The following PKD1 variants were observed in gnomAD, a reference collection of about 807,000 sequenced individuals.
The protein encoded by PKD1 is polycystin-1.
A neutral mutation model predicts 361.7 loss-of-function variants in PKD1; 81 were observed. The observed-to-expected ratio is 0.22, with a 90% CI of 0.19 to 0.27. PKD1 has a LOEUF of 0.27. Among genes scored for constraint, PKD1 ranks in the 10% least tolerant of loss-of-function variants. The pLI is 1.00. For synonymous variants in PKD1, 3,615 were observed against 2,818.3 expected, an observed-to-expected ratio of 1.28 and a Z score of -8.95; for missense variants, 6,399 against 6,118.3, an observed-to-expected ratio of 1.05 and a Z score of -1.53.
intron 26 of PKD1, among the ~76,000 whole-genome samples, chr16:2,101,220 C>T (rs765994543): frequency 1.3e-5 from 2 of 152,178 alleles, no homozygotes; most frequent in Non-Finnish European, 2.9e-5. Flanking sequence ...CTCCTGACCC[C>T]GTGATTTGCC....
In PKD1 at chr16:2,109,515, C is replaced by T; in HGVS notation, c.5652G>A (p.Glu1884=). ...WVSATYNLTA[E]EPIVGLVLWA... ...ACAGCACCAGGCCCACGATGGGCTCCTCCGCCGTGAGGTTGTACGTGGCTG... is the reference window on the plus strand; with the variant it reads ...ACAGCACCAGGCCCACGATGGGCTCTTCCGCCGTGAGGTTGTACGTGGCTG... The change falls in exon 15 of 46, where the codon GAG becomes GAA. Residue 1884 remains glutamate (E), a synonymous_variant. Transcript: ENST00000262304. The T allele has an allele frequency of 6.2e-7, 1 of 1,610,338 alleles. No homozygotes were observed. Among genetic ancestry groups the T allele is most frequent in the South Asian group, 1.1e-5 (1 of 90,780 alleles).
At position 2,108,225 on chromosome 16, in the gene PKD1, T is replaced by G. The variant is rs560681737; in HGVS notation, c.6915+27A>C. 7.8e-5 allele frequency: 124 copies of G among 1,582,030 alleles called. No homozygotes were observed. In the Middle Eastern group the frequency reaches 9.2e-4, roughly 12 times the overall value. On this transcript the variant is annotated intron_variant, in intron 15 of 45. Transcript: ENST00000262304. ...CATGGGTGTGGACGGGTGAGGGGCA[T>G]GGAGGACGGCCCTGCCACGCACTGA...
chr16:2,097,890 G>C lies in PKD1; in HGVS notation c.10145C>G (p.Thr3382Arg), dbSNP rs776463508. 66 of 1,603,984 alleles carry C rather than the reference G, an allele frequency of 4.1e-5. No homozygotes were observed. In the South Asian group the frequency reaches 6.1e-4, roughly 15 times the overall value. Residue 3382 changes from threonine (T) to arginine (R), a missense_variant, in exon 31 of 46, where the codon ACG becomes AGG. Coordinates refer to ENST00000262304, the MANE Select transcript of PKD1 (RefSeq NM_001009944.3). ...DSSVLDSSFL[T>R]FSGLHAEQAF... ...CACCTCAGCGTGGAGGCCTGAGAACGTGAGGAAGGAGCTGTCCAGCACGGA... is the reference window on the plus strand; with the variant it reads ...CACCTCAGCGTGGAGGCCTGAGAACCTGAGGAAGGAGCTGTCCAGCACGGA...
intron 1 of PKD1, chr16:2,123,514 C>T (rs1408402476): frequency 2.2e-5 from 10 of 456,344 alleles, no homozygotes; most frequent in South Asian, 3.1e-5. Context: ...TTGCCATCGC[C>T]GTTCTGGGGG....
chr16:2,109,713 C>G lies in PKD1; in HGVS notation c.5454G>C (p.Ala1818=). The G allele has an allele frequency of 6.2e-7, 1 of 1,602,120 alleles. No homozygotes were observed. The highest frequency in any genetic ancestry group is 8.5e-7 in the Non-Finnish European group (1 of 1,175,918). Residue 1818 remains alanine (A), a synonymous_variant, in exon 15 of 46, where the codon GCG becomes GCC. Coordinates refer to ENST00000262304, the MANE Select transcript of PKD1 (RefSeq NM_001009944.3). ...CCCAAAAGGGCACAGAGGACCCGGC[C>G]GCCACGAAGCTGCCTCCGGGCTCGC... ...RASEPGGSFV[A]AGSSVPFWGQ... is the part of the protein sequence containing the mutation.
In PKD1 at chr16:2,114,250, G is replaced by A. The variant is rs549638171; in HGVS notation, c.2773C>T (p.Arg925Trp). Residue 925 changes from arginine (R) to tryptophan (W), a missense_variant, in exon 11 of 46, where the codon CGG (arginine) becomes TGG (tryptophan). Transcript: ENST00000262304. ...CAGATGGGCTCCTCCGCCGTCACCC[G>A]CAGGCTGAGGTTGGCCCGGCTGGCG... ...NSASRANLSL[R>W]VTAEEPICGL... is the part of the protein sequence containing the mutation. 86 of 1,610,056 alleles carry A rather than the reference G, an allele frequency of 5.3e-5. No homozygotes were observed. In the Admixed American group the frequency reaches 6.8e-4, roughly 13 times the overall value.
At position 2,110,214 on chromosome 16, in the gene PKD1, C is replaced by G. The variant is rs1240364726; in HGVS notation, c.4953G>C (p.Gln1651His). The G allele has an allele frequency of 6.2e-7, 1 of 1,611,814 alleles. No homozygotes were observed. Among genetic ancestry groups the G allele is most frequent in the African/African-American group, 1.3e-5 (1 of 74,922 alleles). ...TGCCATCCCTAACCACGGCCTGCAG[C>G]TGTACCGTGTGGTTGGTGGGGAAGT... ...GRYFPTNHTV[Q>H]LQAVVRDGTN... Residue 1651 changes from glutamine to histidine, a missense_variant, in exon 15 of 46, where the codon CAG becomes CAC. Coordinates refer to ENST00000262304, the MANE Select transcript of PKD1 (RefSeq NM_001009944.3).
chr16:2,114,462 T>G lies in PKD1; in HGVS notation c.2561A>C (p.Asn854Thr). ...AGGCCAGCGAGCCGTGGCCGTGGCG[T>G]TGGCACCAGAGTCCACCTGGAGCAC... ...ALVLQVDSGA[N>T]ATATARWPGG... The change falls in exon 11 of 46, where the codon AAC becomes ACC. Residue 854 changes from asparagine (N) to threonine (T), a missense_variant. By Grantham distance (65) the Asn-to-Thr change is moderately conservative. Coordinates refer to ENST00000262304, the MANE Select transcript of PKD1 (RefSeq NM_001009944.3). 1 of 1,597,620 alleles carries G rather than the reference T, an allele frequency of 6.3e-7. No individual in the cohort carries two copies. Among genetic ancestry groups the G allele is most frequent in the East Asian group, 2.2e-5 (1 of 44,854 alleles).
In PKD1 at chr16:2,090,166, A is replaced by G. The variant is rs201035636; in HGVS notation, c.12473T>C (p.Met4158Thr). Reference protein sequence around the residue: ...EFRHKVRFEGMEPLPSRSSRG... With the variant: ...EFRHKVRFEGTEPLPSRSSRG... Reference sequence around the variant, plus strand: ...GGAGGAGCGAGAGGGCAGCGGCTCCATCCCTTCAAAGCGGACTTTGTGGCG... The same window carrying G: ...GGAGGAGCGAGAGGGCAGCGGCTCCGTCCCTTCAAAGCGGACTTTGTGGCG... Residue 4158 changes from methionine (M) to threonine (T), a missense_variant, in exon 46 of 46, where the codon ATG becomes ACG. Physicochemically the swap from Met to Thr is moderately conservative, Grantham distance 81 (BLOSUM62 -1). Coordinates refer to ENST00000262304, the MANE Select transcript of PKD1 (RefSeq NM_001009944.3). The G allele has an allele frequency of 7.4e-5, 119 of 1,599,504 alleles. No individual in the cohort carries two copies. In the Middle Eastern group the frequency reaches 8.3e-4, roughly 11 times the overall value.
chr16:2,114,491 G>A lies in PKD1; in HGVS notation c.2532C>T (p.Ala844=), dbSNP rs560026646. The A allele has an allele frequency of 3.8e-6, 6 of 1,596,450 alleles. No individual in the cohort carries two copies. In the East Asian group the frequency reaches 1.1e-4, roughly 30 times the overall value. Residue 844 remains alanine, a synonymous_variant, in exon 11 of 46, where the codon GCC becomes GCT. Coordinates refer to ENST00000262304, the MANE Select transcript of PKD1 (RefSeq NM_001009944.3). ...GRLYVPTNGS[A]LVLQVDSGAN... is the part of the protein sequence containing the mutation. Reference sequence around the variant, plus strand: ...CACCAGAGTCCACCTGGAGCACCAAGGCTGAGCCGTTGGTGGGCACGTAGA... The same window carrying A: ...CACCAGAGTCCACCTGGAGCACCAAAGCTGAGCCGTTGGTGGGCACGTAGA...
rs1218626538 is a variant in PKD1, at chr16:2,089,203, G to C, written c.*524C>G. On this transcript the variant is annotated 3_prime_UTR_variant, in exon 46 of 46. Transcript: ENST00000262304. Reference sequence around the variant, plus strand: ...GCGCAGCAGGTGTTGGGGGAGGCCAGCTCTGGGCGCAGGCCCCTCAGCCCT... The same window carrying C: ...GCGCAGCAGGTGTTGGGGGAGGCCACCTCTGGGCGCAGGCCCCTCAGCCCT... The C allele has an allele frequency of 5.7e-6, 1 of 175,308 alleles. No homozygotes were observed. 10.9% of individuals were successfully genotyped at this position (175,308 alleles called of 1,614,324 possible).
chr16:2,090,398 G>C lies in PKD1; in HGVS notation c.12331C>G (p.His4111Asp), dbSNP rs1277822612. 1.9e-6 allele frequency: 3 copies of C among 1,612,562 alleles called. No homozygotes were observed. The highest frequency in any genetic ancestry group is 1.3e-5 in the African/African-American group (1 of 74,932). Residue 4111 changes from histidine (H) to aspartate (D), a missense_variant, in exon 45 of 46, where the codon CAC becomes GAC. His to Asp is a moderately conservative substitution (Grantham distance 81). Coordinates refer to ENST00000262304, the MANE Select transcript of PKD1 (RefSeq NM_001009944.3). ...LGAVILRWRYHALRGELYRPA... is the reference protein window; with the variant it reads ...LGAVILRWRYDALRGELYRPA... ...CGGTACAGCTCTCCACGCAAGGCGT[G>C]GTAGCGCCAGCGGAGAATAACAGCC...
At chr16:2,117,089 C>T in intron 6 of PKD1, 36 bp from the exon 7 acceptor site, 4 of 1,032,802 alleles carry the variant, frequency 3.9e-6, no homozygotes, top group Admixed American at 1.9e-5. Context: ...GGGCTCAGGG[C>T]ACTCCTCCAT....
At chr16:2,091,713 GGAGT>G in intron 41 of PKD1, 64 bp downstream of exon 41, 2 of 1,589,980 alleles carry the variant, frequency 1.3e-6, no homozygotes, top group Non-Finnish European at 1.7e-6. Context: ...GGGGGCCGGA[GGAGT>G]GAGGGTGGGC....
chr16:2,130,584 A>T (rs2092861455), intron 1 of PKD1, among the ~76,000 whole-genome samples: 1 of 152,234 alleles, frequency 6.6e-6, no homozygotes, highest in Non-Finnish European at 1.5e-5. Context: ...CCTCGCTCTC[A>T]GGATCCAGGG....
In PKD1 at chr16:2,090,981, C is replaced by G. The variant is rs752098759; in HGVS notation, c.11906G>C (p.Gly3969Ala). The change falls in exon 43 of 46, where the codon GGC becomes GCC. Residue 3969 changes from glycine to alanine, a missense_variant. By Grantham distance (60) the Gly-to-Ala change is moderately conservative. Coordinates refer to ENST00000262304, the MANE Select transcript of PKD1 (RefSeq NM_001009944.3). ...GAAGCTAGTGAAGCGGCGCGGGCGG[C>G]CGCGCACGAAACGGGTCCACTGGCG... ...ADRQWTRFVR[G>A]RPRRFTSFDQ... 3 of 1,537,560 alleles carry G rather than the reference C, an allele frequency of 2.0e-6. No individual in the cohort carries two copies. The highest frequency in any genetic ancestry group is 2.7e-5 in the African/African-American group (2 of 73,156).
At chr16:2,129,184 G>C (rs200641194) in intron 1 of PKD1, among the ~76,000 whole-genome samples, 1 of 129,382 alleles carries the variant, frequency 7.7e-6, no homozygotes, top group Non-Finnish European at 1.6e-5. Flanking sequence ...TTTTTTTAAA[G>C]ACCGTTTCCT....
chr16:2,106,485 T>C lies in PKD1; in HGVS notation c.7402A>G (p.Asn2468Asp). Residue 2468 changes from asparagine to aspartate, a missense_variant, in exon 18 of 46, where the codon AAC (asparagine) becomes GAC (aspartate). By Grantham distance (23) the Asn-to-Asp change is conservative (BLOSUM62 1). Transcript: ENST00000262304. The surrounding 1 kb of genome is among the most constrained non-coding windows in gnomAD (Gnocchi z 6.5). ...CAAGAGCCCCCCAGCGGCGGGCGGT[T>C]GGGGGACAGGCGGATGGAGGCGCAG... Reference protein sequence around the residue: ...EGCASIRLSPNRPPLGGSCRL... With the variant: ...EGCASIRLSPDRPPLGGSCRL... 6.3e-7 allele frequency: 1 copy of C among 1,593,618 alleles called. No individual in the cohort carries two copies. The highest frequency in any genetic ancestry group is 8.5e-7 in the Non-Finnish European group (1 of 1,177,362).
rs760717588 is a variant in PKD1, at chr16:2,100,145, G to C, written c.9712+21C>G. 6.9e-6 allele frequency: 11 copies of C among 1,605,516 alleles called. No homozygotes were observed. In the East Asian group the frequency reaches 2.5e-4, roughly 36 times the overall value. On this transcript the variant is annotated intron_variant, in intron 28 of 45. Transcript: ENST00000262304. This position sits in a 1 kb window ranked among gnomAD's most constrained non-coding sequence, Gnocchi z 4.4. ...CCCTGCCCAACCTCCCACGGAGTGG[G>C]AACATGGAACGAGGCCTTACTCGCG...
Sources: gnomAD v4.1 joint callset for allele counts (sites outside exome capture counted in the v4.1 genomes callset) on GRCh38, gnomAD v4.1.1 for gene constraint, Gnocchi (gnomAD v3.1) non-coding constraint, MANE v1.5 for transcripts, NCBI Gene and HGNC (gene_info 2026-07-23, HGNC 2026-07-21) for gene names.